Variants in KLHL2 observed in about 807,000 individuals in gnomAD.
KLHL2 encodes the protein kelch-like protein 2.
A neutral mutation model predicts 75.8 loss-of-function variants in KLHL2; 15 were observed. The ratio of observed to expected loss-of-function variants is 0.20; its 90% confidence interval spans 0.13 to 0.30. The LOEUF (loss-of-function observed/expected upper bound fraction) is 0.30. Ranked by LOEUF, KLHL2 falls within the 10% of genes least tolerant of loss-of-function variation. The pLI is 1.00. For missense variants in KLHL2, 381 were observed against 741.0 expected (o/e 0.51, Z 5.64); for synonymous variants, 214 against 251.9 (o/e 0.85, Z 1.42).
intron 5 of KLHL2, among the ~76,000 whole-genome samples, chr4:165,292,642 T>C (rs901991454): frequency 6.6e-6 from 1 of 152,176 alleles, no homozygotes; most frequent in Non-Finnish European, 1.5e-5. Flanking sequence ...CAACCTTTTG[T>C]AAATTGAATA....
At chr4:165,265,695 G>C (rs1742188676) in intron 5 of KLHL2, among the ~76,000 whole-genome samples, 2 of 152,072 alleles carry the variant, frequency 1.3e-5, no homozygotes, top group Non-Finnish European at 2.9e-5. Context: ...TGGTGTATAT[G>C]TGCCACATTT....
chr4:165,278,485 C>G (rs779779189), intron 5 of KLHL2: 10 of 1,593,758 alleles, frequency 6.3e-6, no homozygotes, highest in Non-Finnish European at 8.6e-6. Flanking sequence ...GGCATTTATT[C>G]GTGAATTGAG....
intron 5 of KLHL2, among the ~76,000 whole-genome samples, chr4:165,266,256 C>T (rs1004347222): frequency 6.6e-6 from 1 of 152,026 alleles, no homozygotes; most frequent in Non-Finnish European, 1.5e-5. Context: ...AATATTTTCT[C>T]CCATTCTGTA....
At chr4:165,294,178 G>A (rs1406297206) in intron 5 of KLHL2, among the ~76,000 whole-genome samples, 181 bp from the exon 6 acceptor site, 1 of 152,104 alleles carries the variant, frequency 6.6e-6, no homozygotes, top group East Asian at 1.9e-4. Context: ...ATCACTGAAG[G>A]TACATCCCCA....
intron 8 of KLHL2, 37 bp downstream of exon 8, chr4:165,299,693 CA>C: frequency 1.3e-6 from 2 of 1,537,026 alleles, no homozygotes; most frequent in East Asian, 2.3e-5. Flanking sequence ...TTACCTCATG[CA>C]AAAGGCTTAT....
chr4:165,321,055 A>G (rs1746939338), intron 14 of KLHL2, among the ~76,000 whole-genome samples: 1 of 152,216 alleles, frequency 6.6e-6, no homozygotes, highest in South Asian at 2.1e-4. Context: ...ACTTTATGAA[A>G]TGGGCCCTTC....
intron 4 of KLHL2, among the ~76,000 whole-genome samples, chr4:165,254,192 G>A (rs1740971814): frequency 6.6e-6 from 1 of 152,184 alleles, no homozygotes; most frequent in Admixed American, 6.5e-5. Flanking sequence ...ATGATGATAG[G>A]TTAAAGCTGT....
intron 5 of KLHL2, chr4:165,278,571 A>G: frequency 6.2e-7 from 1 of 1,609,794 alleles, no homozygotes; most frequent in Non-Finnish European, 8.5e-7. Context: ...GGGACGAAGT[A>G]GCAGCCATAA....
intron 5 of KLHL2, among the ~76,000 whole-genome samples, chr4:165,282,790 G>A (rs1183379058): frequency 4.7e-5 from 7 of 147,730 alleles, no homozygotes; most frequent in Admixed American, 4.7e-4. Flanking sequence ...AGATTTTAGA[G>A]CAACGTACAG....
At chr4:165,265,222 T>C (rs1362859683) in intron 5 of KLHL2, among the ~76,000 whole-genome samples, 3 of 152,132 alleles carry the variant, frequency 2.0e-5, no homozygotes, top group African/African-American at 7.2e-5. Flanking sequence ...TTAATGGGAT[T>C]ATTTGATTTT....
chr4:165,294,005 A>G (rs1744721240), intron 5 of KLHL2, among the ~76,000 whole-genome samples: 1 of 152,228 alleles, frequency 6.6e-6, no homozygotes, highest in African/African-American at 2.4e-5. Flanking sequence ...TTATATAATC[A>G]AAAGGTTTTA....
intron 9 of KLHL2, among the ~76,000 whole-genome samples, chr4:165,307,288 A>G (rs1000523612): frequency 2.0e-5 from 3 of 152,224 alleles, no homozygotes; most frequent in Admixed American, 6.5e-5. Flanking sequence ...AGCCTAGGCA[A>G]TAGAGTGAGA....
intron 9 of KLHL2, among the ~76,000 whole-genome samples, chr4:165,308,205 A>AT (rs1471545992): frequency 6.6e-6 from 1 of 152,032 alleles, no homozygotes; most frequent in African/African-American, 2.4e-5. Context: ...TGGCAAGTTT[A>AT]TTTTTAGGTG....
chr4:165,235,444 G>A (rs1304245881), intron 3 of KLHL2, among the ~76,000 whole-genome samples: 2 of 152,186 alleles, frequency 1.3e-5, no homozygotes, highest in African/African-American at 2.4e-5. Context: ...CACATGATCC[G>A]CCTGCCTTGG....
chr4:165,277,169 TC>T (rs1743187560), intron 5 of KLHL2, among the ~76,000 whole-genome samples: 1 of 152,164 alleles, frequency 6.6e-6, no homozygotes, highest in Non-Finnish European at 1.5e-5. Context: ...GTTAGAACCT[TC>T]TGAATATAAT....
At chr4:165,254,891 G>A (rs915233710) in intron 4 of KLHL2, among the ~76,000 whole-genome samples, 19 of 152,174 alleles carry the variant, frequency 1.2e-4, no homozygotes, top group African/African-American at 4.1e-4. Flanking sequence ...CATCTTATGC[G>A]GGAGAGAGTA....
chr4:165,213,832 A>T (rs181194750), intron 1 of KLHL2, among the ~76,000 whole-genome samples: 13 of 152,338 alleles, frequency 8.5e-5, no homozygotes, highest in African/African-American at 3.1e-4. Context: ...GGCCAATAAG[A>T]TCCATAAAAA....
At chr4:165,250,400 A>C (rs1224870071) in intron 4 of KLHL2, among the ~76,000 whole-genome samples, 2 of 152,250 alleles carry the variant, frequency 1.3e-5, no homozygotes, top group Non-Finnish European at 2.9e-5. Flanking sequence ...CATTTGAATT[A>C]TACGTATAAT....
chr4:165,313,404 A>G (rs377548174), intron 12 of KLHL2, 38 bp downstream of exon 12: 38 of 1,410,470 alleles, frequency 2.7e-5, no homozygotes, highest in Non-Finnish European at 3.1e-5. Flanking sequence ...AAGCACAAAA[A>G]TGATGGAAAA....
Sources: allele counts gnomAD v4.1 joint callset (sites outside exome capture counted in the v4.1 genomes callset), GRCh38; gene constraint gnomAD v4.1.1; transcripts MANE v1.5; gene names NCBI Gene and HGNC (gene_info 2026-07-23, HGNC 2026-07-21).